GABRB1: variants seen among roughly 807,000 people sequenced by gnomAD.
GABRB1 encodes the protein gamma-aminobutyric acid type A receptor subunit beta1, also known as gamma-aminobutyric acid receptor subunit beta-1.
GABRB1 carries 17 observed loss-of-function variants against 51.6 expected under a neutral mutation model. The observed-to-expected ratio is 0.33, with a 90% CI of 0.23 to 0.49. The LOEUF (loss-of-function observed/expected upper bound fraction) is 0.49, where lower values mean the gene tolerates loss of function less well. GABRB1 is among the 20% of genes least tolerant of loss of function. GABRB1 has a pLI of 0.99. For synonymous variants in GABRB1, 247 were observed against 218.9 expected, an observed-to-expected ratio of 1.13 and a Z score of -1.14; for missense variants, 410 against 600.6, an observed-to-expected ratio of 0.68 and a Z score of 3.32.
rs576368854 is a variant in GABRB1, at chr4:46,998,512, C to T, written c.-20+4586C>T. Among the ~76,000 whole-genome samples the T allele has an allele frequency of 5.9e-5, 9 of 151,986 alleles. No homozygotes were observed. The East Asian group carries it at 1.7e-3, about 30-fold the overall frequency. On this transcript the variant is annotated intron_variant, in intron 1 of 3. Coordinates refer to the GABRB1 transcript ENST00000513567. ...CTTTGGGAGGCCGAGGTGGGTGGAT[C>T]ACGAAGGTCAGGAGATGGAGACCAC...
intron 5 of GABRB1, among the ~76,000 whole-genome samples, chr4:47,357,206 A>G (rs965985752): frequency 2.6e-5 from 4 of 152,250 alleles, no homozygotes; most frequent in African/African-American, 9.6e-5. Flanking sequence ...CAAAGCACTT[A>G]AACCAATTCA....
chr4:47,110,754 C>T (rs1055573201), intron 3 of GABRB1, among the ~76,000 whole-genome samples: 5 of 152,208 alleles, frequency 3.3e-5, no homozygotes, highest in Admixed American at 1.3e-4. Context: ...TTCATTAGCA[C>T]CATCAGTTCT....
chr4:47,162,783 C>T (rs1718018050), intron 4 of GABRB1, among the ~76,000 whole-genome samples: 1 of 152,094 alleles, frequency 6.6e-6, no homozygotes, highest in African/African-American at 2.4e-5. Context: ...TCAGGTTGTG[C>T]ACCACTGCTT....
At chr4:47,333,724 C>T (rs778431003) in intron 5 of GABRB1, among the ~76,000 whole-genome samples, 1 of 151,490 alleles carries the variant, frequency 6.6e-6, no homozygotes, top group South Asian at 2.1e-4. Context: ...ACCCCACCCC[C>T]CCAAAAAAAA....
intron 4 of GABRB1, among the ~76,000 whole-genome samples, chr4:47,246,838 G>A (rs549179568): frequency 6.6e-6 from 1 of 151,864 alleles, no homozygotes; most frequent in Non-Finnish European, 1.5e-5. Context: ...TTTGGGAATT[G>A]TCTATTCATG....
At chr4:47,070,776 G>A (rs900989684) in intron 3 of GABRB1, among the ~76,000 whole-genome samples, 14 of 151,884 alleles carry the variant, frequency 9.2e-5, no homozygotes, top group African/African-American at 3.4e-4. Flanking sequence ...GCTATCCCAG[G>A]TTTCATTCTT....
intron 3 of GABRB1, among the ~76,000 whole-genome samples, chr4:47,126,803 G>A (rs1264120679): frequency 6.6e-6 from 1 of 151,994 alleles, no homozygotes; most frequent in East Asian, 1.9e-4. Context: ...TAATGACTAT[G>A]CAGATATTGA....
intron 5 of GABRB1, among the ~76,000 whole-genome samples, chr4:47,361,737 G>C (rs1327728360): frequency 6.6e-6 from 1 of 152,122 alleles, no homozygotes; most frequent in Non-Finnish European, 1.5e-5. Flanking sequence ...TGGAGAAAAG[G>C]AGGAAGACAT....
At position 47,007,866 on chromosome 4, in the gene GABRB1, GTA is replaced by G. The variant is rs1165939097; in HGVS notation, c.-20+13967_-20+13968del. 2.1e-3 allele frequency among the ~76,000 whole-genome samples: 104 copies of G among 49,966 alleles called. 7 individuals carry two copies. The highest frequency in any genetic ancestry group is 2.3e-3 in the Admixed American group (11 of 4,806). The allele number at this position is 49,966 out of a possible 152,430, so 32.8% of individuals were successfully genotyped here. A position where few individuals can be genotyped will look rare whatever the true frequency, so the allele number is the denominator to read the frequency against. ...TTAAAGGACGTATACCTTGGAACTG[GTA>G]TATATATATATATATATATATATAT... On this transcript the variant is annotated intron_variant, in intron 1 of 3. Transcript: ENST00000513567.
intron 3 of GABRB1, chr4:47,032,931 C>A: frequency 6.1e-6 from 2 of 329,970 alleles, no homozygotes; most frequent in South Asian, 4.5e-5. Flanking sequence ...CCGGATGCAC[C>A]AAGGCCCTGC....
At chr4:47,150,437 CCT>C (rs1717389329) in intron 3 of GABRB1, among the ~76,000 whole-genome samples, 1 of 149,936 alleles carries the variant, frequency 6.7e-6, no homozygotes, top group African/African-American at 2.5e-5. Flanking sequence ...TTGTAAAAAA[CCT>C]AAAACAACTG....
chr4:47,048,573 G>A (rs1360598212), intron 3 of GABRB1, among the ~76,000 whole-genome samples: 1 of 152,106 alleles, frequency 6.6e-6, no homozygotes, highest in Non-Finnish European at 1.5e-5. Flanking sequence ...CAGGAAAAAA[G>A]ATAACCCATA....
intron 4 of GABRB1, among the ~76,000 whole-genome samples, chr4:47,170,419 G>A (rs766387561): frequency 6.7e-5 from 10 of 148,714 alleles, no homozygotes; most frequent in East Asian, 2.0e-4. Context: ...ACACACACAC[G>A]CACACACGCA....
At chr4:47,201,795 C>T (rs1180023937) in intron 4 of GABRB1, among the ~76,000 whole-genome samples, 2 of 152,078 alleles carry the variant, frequency 1.3e-5, no homozygotes, top group Non-Finnish European at 2.9e-5. Flanking sequence ...AAATGTCAAC[C>T]AAAATAGCAC....
chr4:47,193,173 G>A (rs887410842), intron 4 of GABRB1, among the ~76,000 whole-genome samples: 5 of 152,058 alleles, frequency 3.3e-5, no homozygotes, highest in Non-Finnish European at 7.4e-5. Context: ...TTATTAAGAC[G>A]GAGTTTCACT....
chr4:47,390,901 G>A (rs1442842982), intron 5 of GABRB1, among the ~76,000 whole-genome samples: 3 of 152,114 alleles, frequency 2.0e-5, no homozygotes, highest in Non-Finnish European at 4.4e-5. Flanking sequence ...AAGCTGGCCG[G>A]GCACGGTGGG....
chr4:47,322,666 T>C (rs1046407267), intron 5 of GABRB1, among the ~76,000 whole-genome samples: 1 of 152,134 alleles, frequency 6.6e-6, no homozygotes, highest in African/African-American at 2.4e-5. Flanking sequence ...TAAGGGACCA[T>C]GGCATCAATA....
At chr4:47,118,065 A>C (rs1715585342) in intron 3 of GABRB1, among the ~76,000 whole-genome samples, 1 of 152,202 alleles carries the variant, frequency 6.6e-6, no homozygotes. Context: ...TGTTAAAATA[A>C]AATATATAGG....
intron 4 of GABRB1, among the ~76,000 whole-genome samples, chr4:47,177,341 A>C (rs1192076334): frequency 1.3e-5 from 2 of 152,260 alleles, no homozygotes; most frequent in South Asian, 4.1e-4. Flanking sequence ...AAATGTGGGC[A>C]GAACTAGAGA....
Sources: gnomAD v4.1 joint callset for allele counts (sites outside exome capture counted in the v4.1 genomes callset) on GRCh38, gnomAD v4.1.1 for gene constraint, MANE v1.5 for transcripts, NCBI Gene and HGNC (gene_info 2026-07-23, HGNC 2026-07-21) for gene names.